Variants in MAML3 observed in about 807,000 individuals in gnomAD.
MAML3 encodes mastermind-like protein 3.
Under a neutral mutation model 101.9 loss-of-function variants are expected in MAML3, and 27 were observed. The ratio of observed to expected loss-of-function variants is 0.27; its 90% CI spans 0.20 to 0.37. The LOEUF (loss-of-function observed/expected upper bound fraction) is 0.37. Among genes scored for constraint, MAML3 ranks in the 10% least tolerant of loss-of-function variants. The probability of loss-of-function intolerance (pLI) is 1.00; values close to 1 mark genes in which losing one functional copy is unlikely to be tolerated. For missense variants in MAML3, 1,316 were observed against 1,444.9 expected, an observed-to-expected ratio of 0.91 and a Z score of 1.45; for synonymous variants, 501 against 555.9, an observed-to-expected ratio of 0.90 and a Z score of 1.39.
chr4:139,995,154 G>T (rs949156585), intron 1 of MAML3, among the ~76,000 whole-genome samples: 2 of 152,130 alleles, frequency 1.3e-5, no homozygotes, highest in African/African-American at 4.8e-5. Flanking sequence ...CTAATGAAAT[G>T]ATAACATGGT....
chr4:139,821,095 C>G (rs978016235), intron 2 of MAML3, among the ~76,000 whole-genome samples: 6 of 152,210 alleles, frequency 3.9e-5, no homozygotes, highest in Non-Finnish European at 8.8e-5. Context: ...CTAAGTAAAT[C>G]TATTGTTATC....
chr4:139,835,209 G>T (rs1731237682), intron 2 of MAML3, among the ~76,000 whole-genome samples: 1 of 152,240 alleles, frequency 6.6e-6, no homozygotes, highest in Non-Finnish European at 1.5e-5. Context: ...CTCAGGGATG[G>T]CCCTGTGTGT....
intron 1 of MAML3, among the ~76,000 whole-genome samples, chr4:139,908,047 G>A (rs770820746): frequency 1.3e-5 from 2 of 152,136 alleles, no homozygotes; most frequent in East Asian, 1.9e-4. Flanking sequence ...CTAGAATCAC[G>A]TCTCTCATGG....
intron 1 of MAML3, among the ~76,000 whole-genome samples, chr4:140,004,661 A>ACTC (rs1726416634): frequency 6.6e-6 from 1 of 152,016 alleles, no homozygotes; most frequent in East Asian, 1.9e-4. Flanking sequence ...ACGCCATGAG[A>ACTC]CTCGCAGGGA....
chr4:140,041,570 G>C (rs796585008), intron 1 of MAML3, among the ~76,000 whole-genome samples: 5 of 152,194 alleles, frequency 3.3e-5, no homozygotes, highest in African/African-American at 1.2e-4. Context: ...GCAGTGAGCC[G>C]AGATCACGCC....
At chr4:139,913,076 T>C (rs976772459) in intron 1 of MAML3, among the ~76,000 whole-genome samples, 4 of 152,242 alleles carry the variant, frequency 2.6e-5, no homozygotes, top group African/African-American at 9.6e-5. Flanking sequence ...ATGTAGGTAA[T>C]AAGTCAATGT....
At chr4:140,134,375 G>A (rs1309971954) in intron 1 of MAML3, 1 of 456,674 alleles carries the variant, frequency 2.2e-6, no homozygotes, top group Admixed American at 2.3e-5. Flanking sequence ...CATTTCTCCA[G>A]ATGCTCTGAA....
intron 1 of MAML3, among the ~76,000 whole-genome samples, chr4:140,114,827 A>G (rs544006297): frequency 6.6e-6 from 1 of 152,204 alleles, no homozygotes; most frequent in Non-Finnish European, 1.5e-5. Flanking sequence ...GTTATGGCCT[A>G]TTTTCAACAA....
chr4:139,851,154 C>A (rs1368968057), intron 2 of MAML3, among the ~76,000 whole-genome samples: 1 of 152,210 alleles, frequency 6.6e-6, no homozygotes, highest in African/African-American at 2.4e-5. Flanking sequence ...ATCTTACAGC[C>A]TTCTTTCTGG....
At chr4:139,748,664 A>C (rs1294315531) in intron 2 of MAML3, among the ~76,000 whole-genome samples, 1 of 152,112 alleles carries the variant, frequency 6.6e-6, no homozygotes, top group South Asian at 2.1e-4. Flanking sequence ...TCTATAGTCT[A>C]TATGTTTCTG....
At position 139,717,107 on chromosome 4, in the gene MAML3, T is replaced by G. The variant is rs1349747384; in HGVS notation, c.*2216A>C. On this transcript the variant is annotated 3_prime_UTR_variant, in exon 5 of 5. Transcript: ENST00000509479. Reference sequence around the variant, plus strand: ...GTGATATCTGCAGTATTGTAAAAACTTATGTACAAATAACTTTTTTTAGAC... The same window carrying G: ...GTGATATCTGCAGTATTGTAAAAACGTATGTACAAATAACTTTTTTTAGAC... The G allele has an allele frequency of 6.6e-6, 1 of 152,502 alleles. No homozygotes were observed. The highest frequency in any genetic ancestry group is 1.5e-5 in the Non-Finnish European group (1 of 68,026). The allele number at this position is 152,502 out of a possible 1,614,324, so 9.4% of individuals were successfully genotyped here.
intron 1 of MAML3, among the ~76,000 whole-genome samples, chr4:140,051,242 T>C (rs114165683): frequency 3.3e-5 from 5 of 152,274 alleles, no homozygotes; most frequent in African/African-American, 1.2e-4. Context: ...TCAAGAGCAG[T>C]AAGTCAGATG....
intron 1 of MAML3, among the ~76,000 whole-genome samples, chr4:139,974,983 G>A (rs1422657294): frequency 6.6e-6 from 1 of 151,970 alleles, no homozygotes; most frequent in Non-Finnish European, 1.5e-5. Context: ...TTGTCTCTGT[G>A]GATAAAGGGA....
chr4:139,796,803 G>T (rs1309665111), intron 2 of MAML3, among the ~76,000 whole-genome samples: 1 of 152,108 alleles, frequency 6.6e-6, no homozygotes, highest in Non-Finnish European at 1.5e-5. Flanking sequence ...AAAGAGAAAT[G>T]ATAGTCACCA....
chr4:139,945,614 A>T (rs1438629555), intron 1 of MAML3, among the ~76,000 whole-genome samples: 1 of 152,250 alleles, frequency 6.6e-6, no homozygotes, highest in Non-Finnish European at 1.5e-5. Context: ...TTAATAAATC[A>T]TGTTAACTTT....
At chr4:139,757,642 CAAAAAAAAAAA>C (rs10583574) in intron 2 of MAML3, among the ~76,000 whole-genome samples, 1 of 104,608 alleles carries the variant, frequency 9.6e-6, no homozygotes, top group Non-Finnish European at 1.9e-5. Flanking sequence ...GGCTCCATTT[CAAAAAAAAAAA>C]AAAAAAAAAA....
At chr4:139,731,419 G>A in intron 2 of MAML3, 1 of 121,960 alleles carries the variant, frequency 8.2e-6, no homozygotes, top group East Asian at 2.7e-4. Flanking sequence ...CCAAGATGGT[G>A]AAACCCTGTC....
chr4:139,725,024 G>A (rs1249314597), intron 4 of MAML3, among the ~76,000 whole-genome samples: 1 of 152,178 alleles, frequency 6.6e-6, no homozygotes, highest in African/African-American at 2.4e-5. Context: ...CTCCCAAAGT[G>A]CTAGGATTAT....
At chr4:140,103,752 G>A (rs941186450) in intron 1 of MAML3, among the ~76,000 whole-genome samples, 5 of 152,148 alleles carry the variant, frequency 3.3e-5, no homozygotes, top group Admixed American at 6.5e-5. Flanking sequence ...GATGACATCC[G>A]TGTTGCCCAT....
Sources: allele counts gnomAD v4.1 joint callset (sites outside exome capture counted in the v4.1 genomes callset), GRCh38; gene constraint gnomAD v4.1.1; transcripts MANE v1.5; gene names NCBI Gene and HGNC (gene_info 2026-07-23, HGNC 2026-07-21).